The following LIPI variants were observed in gnomAD, a reference collection of about 807,000 sequenced individuals.
LIPI encodes the protein lipase member I.
A neutral mutation model predicts 50.6 loss-of-function variants in LIPI; 59 were observed. The observed-to-expected ratio is 1.16, with a 90% CI of 0.94 to 1.45. The LOEUF (loss-of-function observed/expected upper bound fraction) is 1.45. Ranked by LOEUF, LIPI falls within the 40% of genes most tolerant of loss-of-function variation. The pLI is 0.00. For synonymous variants in LIPI, 203 were observed against 178.2 expected (o/e 1.14, Z -1.11); for missense variants, 586 against 536.3 (o/e 1.09, Z -0.92).
chr21:14,197,046 CACAT>C (rs1165504712), intron 1 of LIPI, among the ~76,000 whole-genome samples: 4 of 151,756 alleles, frequency 2.6e-5, no homozygotes, highest in Non-Finnish European at 4.4e-5. Context: ...CACACACACA[CACAT>C]ACACCAGATA....
At chr21:14,132,676 A>G (rs1057497986) in intron 9 of LIPI, among the ~76,000 whole-genome samples, 16 of 152,192 alleles carry the variant, frequency 1.1e-4, no homozygotes, top group African/African-American at 2.7e-4. Context: ...AAGAAGATAC[A>G]GGAATAAAAT....
At chr21:14,178,830 T>G (rs2019177996) in intron 4 of LIPI, among the ~76,000 whole-genome samples, 1 of 152,142 alleles carries the variant, frequency 6.6e-6, no homozygotes, top group African/African-American at 2.4e-5. Flanking sequence ...TAAAAATAAT[T>G]TGAGATTGAA....
At chr21:14,159,693 T>A (rs2018396965) in intron 7 of LIPI, among the ~76,000 whole-genome samples, 1 of 151,184 alleles carries the variant, frequency 6.6e-6, no homozygotes, top group Non-Finnish European at 1.5e-5. Context: ...ATAGAAGAAA[T>A]AAAAGCATTC....
intron 1 of LIPI, among the ~76,000 whole-genome samples, chr21:14,192,037 G>T (rs368089009): frequency 2.0e-5 from 3 of 152,256 alleles, no homozygotes; most frequent in East Asian, 3.9e-4. Context: ...GTGAGTAACA[G>T]CTGCTTAACA....
At position 14,161,813 on chromosome 21, in the gene LIPI, TATATACAAATATATATTAATATATAA is replaced by T. The variant is rs1361966445; in HGVS notation, c.1006+1580_1006+1605del. Among the ~76,000 whole-genome samples the T allele has an allele frequency of 2.4e-3, 70 of 29,060 alleles. 5 individuals carry two copies. Among genetic ancestry groups the T allele is most frequent in the African/African-American group, 0.011 (47 of 4,460 alleles). The allele number at this position is 29,060 out of a possible 152,430, so 19.1% of individuals were successfully genotyped here. A position where few individuals can be genotyped will look rare whatever the true frequency, so the allele number is the denominator to read the frequency against. The stretch of plus-strand genomic sequence containing the variant: ...TACATTATTATATATTAATGTATAA[TATATACAAATATATATTAATATATAA>T]TATATACATTATTATATATAATTAC... On this transcript the variant is annotated intron_variant, in intron 7 of 9. Transcript: ENST00000681601.
intron 8 of LIPI, among the ~76,000 whole-genome samples, chr21:14,148,560 T>C (rs1338548366): frequency 6.6e-6 from 1 of 152,222 alleles, no homozygotes; most frequent in Non-Finnish European, 1.5e-5. Context: ...TTTACCATTG[T>C]GTTACAATTG....
chr21:14,114,017 C>T (rs144700655), intron 9 of LIPI, among the ~76,000 whole-genome samples: 1 of 152,068 alleles, frequency 6.6e-6, no homozygotes, highest in East Asian at 1.9e-4. Flanking sequence ...GAAACCCTGT[C>T]TCTACAAAAA....
At position 14,161,616 on chromosome 21, in the gene LIPI, A is replaced by ATTAT. The variant is rs1568858246; in HGVS notation, c.1006+1802_1006+1803insATAA. ...TATAATATATTAATATATAATATAC[A>ATTAT]TATATAATATATTAATATATAATAT... On this transcript the variant is annotated intron_variant, in intron 7 of 9. Coordinates refer to ENST00000681601, the MANE Select transcript of LIPI (RefSeq NM_001302998.2). 1.2e-3 allele frequency among the ~76,000 whole-genome samples: 142 copies of ATTAT among 116,470 alleles called. 15 individuals carry two copies. Among genetic ancestry groups the ATTAT allele is most frequent in the African/African-American group, 4.7e-3 (136 of 28,968 alleles). 76.4% of individuals were successfully genotyped at this position (116,470 alleles called of 152,430 possible).
chr21:14,141,231 T>C (rs2017695138), intron 9 of LIPI, among the ~76,000 whole-genome samples: 1 of 152,112 alleles, frequency 6.6e-6, no homozygotes, highest in Non-Finnish European at 1.5e-5. Flanking sequence ...ACATTAGGTA[T>C]CCAAAATATT....
At chr21:14,189,466 T>C (rs754612795) in intron 1 of LIPI, 47 bp from the exon 2 acceptor site, 2 of 1,540,704 alleles carry the variant, frequency 1.3e-6, no homozygotes, top group Non-Finnish European at 1.8e-6. Flanking sequence ...GATAGTATTT[T>C]ATTCCTGTTG....
chr21:14,144,421 G>C (rs1436711871), intron 9 of LIPI: 11 of 416,192 alleles, frequency 2.6e-5, no homozygotes, highest in African/African-American at 2.3e-4. Flanking sequence ...TCTTTGATTA[G>C]ACAATGAGAT....
chr21:14,179,105 A>G (rs192234927), intron 4 of LIPI, among the ~76,000 whole-genome samples: 3 of 152,254 alleles, frequency 2.0e-5, no homozygotes, highest in Admixed American at 6.6e-5. Context: ...AAAAGCATCT[A>G]TCTTTTGGAT....
chr21:14,125,376 CTAAA>C (rs2017020059), intron 9 of LIPI, among the ~76,000 whole-genome samples: 1 of 152,014 alleles, frequency 6.6e-6, no homozygotes, highest in South Asian at 2.1e-4. Flanking sequence ...GTTATAAACC[CTAAA>C]TAAATCACTA....
intron 4 of LIPI, among the ~76,000 whole-genome samples, chr21:14,179,252 G>A (rs2019190075): frequency 6.6e-6 from 1 of 151,926 alleles, no homozygotes; most frequent in Admixed American, 6.6e-5. Context: ...AGTAGAAGAT[G>A]TGGTCATTAT....
In LIPI at chr21:14,108,996, T is replaced by C; in HGVS notation, c.1380A>G (p.Thr460=). The stretch of plus-strand genomic sequence containing the variant: ...GCATTTGATGGAAGAAGGCATCTTA[T>C]GTGTTCTTTGGTGTACATGTGTTTG... ...LNPNTCTPKN[T] Residue 460 remains threonine (T), a synonymous_variant, in exon 10 of 10, where the codon ACA becomes ACG. Transcript: ENST00000681601. 3 of 1,610,786 alleles carry C rather than the reference T, an allele frequency of 1.9e-6. No individual in the cohort carries two copies. The highest frequency in any genetic ancestry group is 1.1e-5 in the South Asian group (1 of 91,002).
At chr21:14,137,774 C>T (rs560928889) in intron 9 of LIPI, among the ~76,000 whole-genome samples, 144 of 152,090 alleles carry the variant, frequency 9.5e-4, no homozygotes, top group Admixed American at 2.9e-3. Flanking sequence ...TATAGAATAT[C>T]AAACAGATTT....
intron 1 of LIPI, among the ~76,000 whole-genome samples, chr21:14,190,690 G>A (rs1439382408): frequency 6.6e-6 from 1 of 152,116 alleles, no homozygotes; most frequent in Non-Finnish European, 1.5e-5. Context: ...GAGATATTTG[G>A]AAAAATTATT....
chr21:14,166,136 AAATAT>A (rs1189148978), intron 5 of LIPI, among the ~76,000 whole-genome samples: 2 of 152,178 alleles, frequency 1.3e-5, no homozygotes, highest in South Asian at 2.1e-4. Context: ...AAATTATTAA[AAATAT>A]AATATAAGAG....
At chr21:14,191,891 A>G (rs934972436) in intron 1 of LIPI, among the ~76,000 whole-genome samples, 5 of 152,228 alleles carry the variant, frequency 3.3e-5, no homozygotes, top group Non-Finnish European at 5.9e-5. Flanking sequence ...AAGGAAAGAC[A>G]GTTGTAACAG....
Sources: gnomAD v4.1 joint callset for allele counts (sites outside exome capture counted in the v4.1 genomes callset) on GRCh38, gnomAD v4.1.1 for gene constraint, MANE v1.5 for transcripts, NCBI Gene and HGNC (gene_info 2026-07-23, HGNC 2026-07-21) for gene names.